The following SLC24A2 variants were observed in gnomAD, a reference collection of about 807,000 sequenced individuals.
SLC24A2 encodes solute carrier family 24 member 2.
SLC24A2 carries 36 observed loss-of-function variants against 62.0 expected under a neutral mutation model. That is an observed-to-expected ratio of 0.58 (90% CI 0.44 to 0.77). The LOEUF is 0.77. SLC24A2 is among the 30% of genes least tolerant of loss of function. The probability of loss-of-function intolerance (pLI) is 0.00; values close to 1 mark genes in which losing one functional copy is unlikely to be tolerated. For synonymous variants in SLC24A2, 358 were observed against 294.0 expected (o/e 1.22, Z -2.23); for missense variants, 846 against 817.9 (o/e 1.03, Z -0.42).
At position 19,545,572 on chromosome 9, in the gene SLC24A2, CG is replaced by C. The variant is rs375106398; in HGVS notation, c.1479+4564del. 2.8e-4 allele frequency among the ~76,000 whole-genome samples: 42 copies of C among 152,082 alleles called. No individual in the cohort carries two copies. The East Asian group carries it at 7.6e-3, about 27-fold the overall frequency. ...CCATCTTAGTGAATTTATCTACCGT[CG>C]GTCTTTGTAGTCAGTGACCTTCGGA... On this transcript the variant is annotated intron_variant, in intron 8 of 10. Coordinates refer to ENST00000341998, the MANE Select transcript of SLC24A2 (RefSeq NM_020344.4).
chr9:19,949,383 T>C, the SLC24A2 span, among the ~76,000 whole-genome samples: 4 of 152,242 alleles, frequency 2.6e-5, no homozygotes, highest in Admixed American at 1.3e-4. Flanking sequence ...AAGGAACTCA[T>C]GTGCAGGCCA....
chr9:19,600,933 C>T (rs1025219142), intron 4 of SLC24A2, among the ~76,000 whole-genome samples: 39 of 152,166 alleles, frequency 2.6e-4, no homozygotes, highest in Non-Finnish European at 1.6e-4. Context: ...CAACCCAAAA[C>T]AATCTGCCTT....
the SLC24A2 span, among the ~76,000 whole-genome samples, chr9:20,282,933 A>G: frequency 6.6e-6 from 1 of 152,174 alleles, no homozygotes; most frequent in South Asian, 2.1e-4. Context: ...ACCTCTGATT[A>G]TTTCTTTATG....
chr9:20,035,238 T>C, the SLC24A2 span, among the ~76,000 whole-genome samples: 1 of 152,168 alleles, frequency 6.6e-6, no homozygotes, highest in Non-Finnish European at 1.5e-5. Context: ...TGAAGTAAGT[T>C]CTAAATAAGT....
chr9:20,279,142 C>G, the SLC24A2 span, among the ~76,000 whole-genome samples: 1 of 152,208 alleles, frequency 6.6e-6, no homozygotes, highest in South Asian at 2.1e-4. Flanking sequence ...TTTTCTCCAA[C>G]TAGGTCCCTC....
the SLC24A2 span, among the ~76,000 whole-genome samples, chr9:19,995,018 G>A: frequency 2.6e-5 from 4 of 151,418 alleles, no homozygotes; most frequent in African/African-American, 7.3e-5. Context: ...GAAATGCCAT[G>A]GCGATTTAAT....
chr9:19,574,115 A>C (rs1431357286), intron 6 of SLC24A2, among the ~76,000 whole-genome samples: 1 of 152,150 alleles, frequency 6.6e-6, no homozygotes, highest in Non-Finnish European at 1.5e-5. Flanking sequence ...TCCAAGGGAC[A>C]TTATGTTCAG....
At chr9:20,278,248 ATAAAT>A in the SLC24A2 span, among the ~76,000 whole-genome samples, 221 of 152,326 alleles carry the variant, frequency 1.5e-3, no homozygotes, top group African/African-American at 5.2e-3. Context: ...AAAATTAAAA[ATAAAT>A]AAAAAGAAAA....
At chr9:20,258,682 C>T in the SLC24A2 span, among the ~76,000 whole-genome samples, 5 of 152,104 alleles carry the variant, frequency 3.3e-5, no homozygotes, top group Non-Finnish European at 5.9e-5. Flanking sequence ...TTTTCTGGTT[C>T]GCCAGCTTGC....
At chr9:20,241,247 T>C in the SLC24A2 span, among the ~76,000 whole-genome samples, 1 of 152,202 alleles carries the variant, frequency 6.6e-6, no homozygotes, top group Non-Finnish European at 1.5e-5. Context: ...TAGACTTATA[T>C]GAAAGTTTTA....
intron 2 of SLC24A2, among the ~76,000 whole-genome samples, chr9:19,635,450 C>A (rs1027221188): frequency 6.6e-6 from 1 of 152,098 alleles, no homozygotes; most frequent in Admixed American, 6.5e-5. Flanking sequence ...AATAATCATA[C>A]AATATTGTAT....
chr9:20,259,563 A>C, the SLC24A2 span, among the ~76,000 whole-genome samples: 1 of 152,132 alleles, frequency 6.6e-6, no homozygotes, highest in African/African-American at 2.4e-5. Flanking sequence ...TGAATGAGTT[A>C]TATGCCTACT....
At chr9:19,566,716 T>C (rs1835666437) in intron 7 of SLC24A2, among the ~76,000 whole-genome samples, 1 of 152,082 alleles carries the variant, frequency 6.6e-6, no homozygotes, top group Admixed American at 6.5e-5. Context: ...AACCCAAATG[T>C]CCACCAACAA....
At chr9:20,114,672 C>A in the SLC24A2 span, among the ~76,000 whole-genome samples, 1 of 151,932 alleles carries the variant, frequency 6.6e-6, no homozygotes, top group Non-Finnish European at 1.5e-5. Flanking sequence ...GAGTATCTAC[C>A]ATGTGCTATG....
the SLC24A2 span, among the ~76,000 whole-genome samples, chr9:20,212,860 T>G: frequency 6.6e-6 from 1 of 151,910 alleles, no homozygotes; most frequent in African/African-American, 2.4e-5. Context: ...AACAGAAATT[T>G]TATCAATCTC....
the SLC24A2 span, among the ~76,000 whole-genome samples, chr9:20,132,187 A>G: frequency 4.1e-4 from 63 of 152,100 alleles, no homozygotes; most frequent in African/African-American, 1.4e-3. Flanking sequence ...TCTTCCAAGG[A>G]GGGTCCTCCT....
At chr9:19,852,087 T>C in the SLC24A2 span, among the ~76,000 whole-genome samples, 2 of 152,320 alleles carry the variant, frequency 1.3e-5, no homozygotes, top group African/African-American at 4.8e-5. Context: ...ATCAGTGACG[T>C]TGAGCTTTTT....
the SLC24A2 span, among the ~76,000 whole-genome samples, chr9:19,895,128 C>T: frequency 2.0e-5 from 3 of 152,250 alleles, no homozygotes; most frequent in South Asian, 4.2e-4. Flanking sequence ...GCCACTGGCA[C>T]GGTTTGAATA....
At chr9:20,217,665 G>A in the SLC24A2 span, among the ~76,000 whole-genome samples, 2 of 152,010 alleles carry the variant, frequency 1.3e-5, no homozygotes, top group African/African-American at 4.8e-5. Flanking sequence ...GCCTGAAACT[G>A]CACTAGAGAC....
Sources: allele counts gnomAD v4.1 joint callset (sites outside exome capture counted in the v4.1 genomes callset), GRCh38; gene constraint gnomAD v4.1.1; transcripts MANE v1.5; gene names NCBI Gene and HGNC (gene_info 2026-07-23, HGNC 2026-07-21).